KCNJ5: variants seen among roughly 807,000 people sequenced by gnomAD.
KCNJ5 encodes the protein G protein-activated inward rectifier potassium channel 4.
A neutral mutation model predicts 20.2 loss-of-function variants in KCNJ5; 12 were observed. That is an observed-to-expected ratio of 0.59 (90% CI 0.38 to 0.96). The LOEUF (loss-of-function observed/expected upper bound fraction) is 0.96. Among genes scored for constraint, KCNJ5 ranks in the 40% least tolerant of loss-of-function variants. The pLI is 0.00. For missense variants in KCNJ5, 449 were observed against 557.6 expected (o/e 0.81, Z 1.96); for synonymous variants, 210 against 213.9 (o/e 0.98, Z 0.16).
intron 2 of KCNJ5, among the ~76,000 whole-genome samples, chr11:128,915,883 ATGG>A: frequency 2.7e-5 from 3 of 112,392 alleles, no homozygotes; most frequent in Non-Finnish European, 5.5e-5. Flanking sequence ...GGATGGATGG[ATGG>A]GTGATAGGAT....
intron 1 of KCNJ5, among the ~76,000 whole-genome samples, chr11:128,909,609 C>G (rs541543257): frequency 6.6e-6 from 1 of 152,162 alleles, no homozygotes; most frequent in Non-Finnish European, 1.5e-5. Context: ...AGGTAACAAC[C>G]TAAACAGGGT....
intron 1 of KCNJ5, chr11:128,905,790 C>G (rs1394234122): frequency 2.0e-5 from 3 of 152,468 alleles, no homozygotes; most frequent in Admixed American, 6.5e-5. Flanking sequence ...TTCCCGGTCT[C>G]GTAGACGCTG....
chr11:128,915,817 GGA>G, intron 2 of KCNJ5, among the ~76,000 whole-genome samples: 1 of 150,608 alleles, frequency 6.6e-6, no homozygotes, highest in Non-Finnish European at 1.5e-5. Flanking sequence ...ATGGATGGAT[GGA>G]TGGATGGATG....
At chr11:128,912,515 A>T (rs4074638) in intron 2 of KCNJ5, among the ~76,000 whole-genome samples, 1 of 151,512 alleles carries the variant, frequency 6.6e-6, no homozygotes, top group Non-Finnish European at 1.5e-5. Context: ...TGTTTTGTTT[A>T]TTTGTTTATT....
At position 128,902,637 on chromosome 11, in the gene KCNJ5, A is replaced by G. The variant is rs780709200; in HGVS notation, c.-10-8627A>G. Reference sequence around the variant, plus strand: ...CCCTCTCTACTATCATGGGCCTTGCAGATTGAGTTCTCCTCTTCCTGCCGG... The same window carrying G: ...CCCTCTCTACTATCATGGGCCTTGCGGATTGAGTTCTCCTCTTCCTGCCGG... On this transcript the variant is annotated intron_variant, in intron 1 of 2. Coordinates refer to ENST00000529694, the MANE Select transcript of KCNJ5 (RefSeq NM_000890.5). The G allele has an allele frequency of 5.0e-6, 8 of 1,614,020 alleles. No individual in the cohort carries two copies. The Admixed American group carries it at 1.3e-4, about 27-fold the overall frequency.
chr11:128,910,772 A>C (rs1007991197), intron 1 of KCNJ5, among the ~76,000 whole-genome samples: 3 of 152,214 alleles, frequency 2.0e-5, no homozygotes, highest in Non-Finnish European at 4.4e-5. Context: ...TGGAGCTTAC[A>C]TTCTGATGGT....
intron 1 of KCNJ5, among the ~76,000 whole-genome samples, chr11:128,906,516 ACTCAGGGCC>A (rs1210610945): frequency 6.6e-6 from 1 of 152,084 alleles, no homozygotes; most frequent in Non-Finnish European, 1.5e-5. Context: ...CTCATGTGGA[ACTCAGGGCC>A]CCCTTCAAGC....
Position 128,903,567 on chromosome 11 carries a change from A to G in KCNJ5, c.-10-7697A>G. The G allele has an allele frequency of 5.7e-6, 9 of 1,591,872 alleles. No individual in the cohort carries two copies. The South Asian group carries it at 6.7e-5, about 12-fold the overall frequency. ...GTTAAGAATGAAATCAGTGGCTGCT[A>G]GTTAGTGGTCTTGTTTCTACTGCGG... On this transcript the variant is annotated intron_variant, in intron 1 of 2. Coordinates refer to ENST00000529694, the MANE Select transcript of KCNJ5 (RefSeq NM_000890.5).
intron 1 of KCNJ5, chr11:128,903,432 TATGGC>T: frequency 6.2e-7 from 1 of 1,614,184 alleles, no homozygotes; most frequent in Non-Finnish European, 8.5e-7. Context: ...TTCTGGTTAC[TATGGC>T]ATGCACATCC....
rs140762490 is a variant in KCNJ5 at position 128,906,338 on chromosome 11, C to G, written c.-10-4926C>G. Among the ~76,000 whole-genome samples, 123 of 152,330 alleles carry G rather than the reference C, an allele frequency of 8.1e-4. 1 individual carries two copies. The highest frequency in any genetic ancestry group is 1.6e-3 in the Non-Finnish European group (112 of 68,028). ...TTATGATCCGACTTCCCTTTCTGTACTGGATTTTCTATTTCTGCCATAACA... is the reference window on the plus strand; with the variant it reads ...TTATGATCCGACTTCCCTTTCTGTAGTGGATTTTCTATTTCTGCCATAACA... On this transcript the variant is annotated intron_variant, in intron 1 of 2. Coordinates refer to ENST00000529694, the MANE Select transcript of KCNJ5 (RefSeq NM_000890.5).
At chr11:128,893,316 T>G (rs573978629) in intron 1 of KCNJ5, among the ~76,000 whole-genome samples, 1 of 152,008 alleles carries the variant, frequency 6.6e-6, no homozygotes, top group Non-Finnish European at 1.5e-5. Context: ...AGGGCCACCA[T>G]TGAAAGACAG....
intron 1 of KCNJ5, among the ~76,000 whole-genome samples, chr11:128,897,154 G>A (rs1175328690): frequency 1.4e-5 from 2 of 142,748 alleles, no homozygotes; most frequent in African/African-American, 5.3e-5. Flanking sequence ...CTGGAGTGCA[G>A]TGGTGCAATC....
intron 1 of KCNJ5, among the ~76,000 whole-genome samples, chr11:128,892,543 A>G (rs1056711180): frequency 6.3e-4 from 96 of 152,334 alleles, no homozygotes; most frequent in Non-Finnish European, 5.9e-5. Context: ...AAACACCAGA[A>G]GAAGATCAAC....
At chr11:128,903,330 C>G in intron 1 of KCNJ5, 1 of 1,611,754 alleles carries the variant, frequency 6.2e-7, no homozygotes, top group Non-Finnish European at 8.5e-7. Context: ...TAGAGTGTGT[C>G]TGTGTTGGAA....
intron 1 of KCNJ5, chr11:128,904,758 G>GACTC (rs386375253): frequency 1.8e-6 from 1 of 565,918 alleles, no homozygotes; most frequent in African/African-American, 1.9e-5. Flanking sequence ...GGGGTTCGCT[G>GACTC]ACTAATTGAC....
intron 1 of KCNJ5, chr11:128,899,877 G>A (rs886925324): frequency 2.0e-5 from 3 of 152,120 alleles, no homozygotes; most frequent in Non-Finnish European, 4.4e-5. Flanking sequence ...AAGGAGTGGC[G>A]AGTGGCCCAC....
At chr11:128,899,178 G>A (rs1005857463) in intron 1 of KCNJ5, among the ~76,000 whole-genome samples, 3 of 152,092 alleles carry the variant, frequency 2.0e-5, no homozygotes, top group African/African-American at 7.2e-5. Flanking sequence ...TACTAGATTT[G>A]GGGCAGTTGA....
intron 1 of KCNJ5, among the ~76,000 whole-genome samples, chr11:128,895,060 G>T (rs1221800722): frequency 6.6e-6 from 1 of 151,782 alleles, no homozygotes; most frequent in Admixed American, 6.6e-5. Flanking sequence ...AATCAATAGG[G>T]TGGCCAGATA....
chr11:128,904,294 G>A, intron 1 of KCNJ5: 1 of 1,339,520 alleles, frequency 7.5e-7, no homozygotes. Flanking sequence ...GCCCACCCCA[G>A]ACAAGCCAAA....
Sources: allele counts gnomAD v4.1 joint callset (sites outside exome capture counted in the v4.1 genomes callset), GRCh38; gene constraint gnomAD v4.1.1; transcripts MANE v1.5; gene names NCBI Gene and HGNC (gene_info 2026-07-23, HGNC 2026-07-21).